Variants in TMEM132C observed in about 807,000 individuals in gnomAD.
TMEM132C encodes transmembrane protein 132C, also known as protein phosphatase 1, regulatory subunit 152.
A neutral mutation model predicts 61.4 loss-of-function variants in TMEM132C; 29 were observed. That is an observed-to-expected ratio of 0.47 (90% confidence interval 0.35 to 0.64). TMEM132C has a LOEUF of 0.64. Among genes scored for constraint, TMEM132C ranks in the 30% least tolerant of loss-of-function variants. The probability of loss-of-function intolerance (pLI) is 0.00; values close to 1 mark genes in which losing one functional copy is unlikely to be tolerated. For missense variants in TMEM132C, 1,408 were observed against 1,476.9 expected, an observed-to-expected ratio of 0.95 and a Z score of 0.76; for synonymous variants, 656 against 633.1, an observed-to-expected ratio of 1.04 and a Z score of -0.54.
intron 3 of TMEM132C, among the ~76,000 whole-genome samples, chr12:128,587,261 A>T (rs1016006937): frequency 2.6e-5 from 4 of 152,190 alleles, no homozygotes; most frequent in African/African-American, 7.2e-5. Context: ...AATGGAGCTC[A>T]CAGTTCTGCA....
At chr12:128,394,706 G>T (rs942597915) in intron 1 of TMEM132C, among the ~76,000 whole-genome samples, 1 of 151,998 alleles carries the variant, frequency 6.6e-6, no homozygotes, top group African/African-American at 2.4e-5. Context: ...AACAAGTAGG[G>T]AAAAAATAAG....
chr12:128,328,156 C>A (rs900312733), intron 1 of TMEM132C, among the ~76,000 whole-genome samples: 2 of 151,962 alleles, frequency 1.3e-5, no homozygotes, highest in Non-Finnish European at 1.5e-5. Flanking sequence ...AGTGAGAAAG[C>A]GGGTGATTGG....
chr12:128,622,458 G>A (rs1953978096), intron 4 of TMEM132C, among the ~76,000 whole-genome samples: 1 of 144,700 alleles, frequency 6.9e-6, no homozygotes, highest in African/African-American at 2.5e-5. Context: ...CAAAATGGAA[G>A]GGAGCCGTTA....
At chr12:128,492,349 C>A (rs1235552894) in intron 2 of TMEM132C, among the ~76,000 whole-genome samples, 1 of 152,114 alleles carries the variant, frequency 6.6e-6, no homozygotes, top group East Asian at 1.9e-4. Context: ...GATTTATAAT[C>A]CTTTGGGTAT....
chr12:128,378,682 A>G (rs1874300822), intron 1 of TMEM132C, among the ~76,000 whole-genome samples: 1 of 152,146 alleles, frequency 6.6e-6, no homozygotes, highest in Non-Finnish European at 1.5e-5. Context: ...CGGTCAATTC[A>G]CAGTTCACTA....
intron 1 of TMEM132C, among the ~76,000 whole-genome samples, chr12:128,344,776 T>A (rs778435361): frequency 2.0e-5 from 3 of 152,214 alleles, no homozygotes; most frequent in Non-Finnish European, 4.4e-5. Context: ...AATTATGTGC[T>A]TATAGGCCAA....
At chr12:128,517,114 G>A (rs1030220559) in intron 2 of TMEM132C, among the ~76,000 whole-genome samples, 17 of 150,878 alleles carry the variant, frequency 1.1e-4, no homozygotes, top group African/African-American at 3.2e-4. Context: ...GCCTGTAATC[G>A]CAGCTACTCA....
At chr12:128,403,356 C>G (rs2136012048) in intron 1 of TMEM132C, among the ~76,000 whole-genome samples, 1 of 152,244 alleles carries the variant, frequency 6.6e-6, no homozygotes, top group South Asian at 2.1e-4. Flanking sequence ...TGTCTGATAT[C>G]ATATGAGTAA....
intron 4 of TMEM132C, among the ~76,000 whole-genome samples, chr12:128,668,859 C>T (rs1954502752): frequency 6.6e-6 from 1 of 152,198 alleles, no homozygotes; most frequent in South Asian, 2.1e-4. Flanking sequence ...CCTCCTCTGA[C>T]CTTCATGGCT....
At chr12:128,535,647 C>T (rs1425189807) in intron 2 of TMEM132C, among the ~76,000 whole-genome samples, 5 of 152,080 alleles carry the variant, frequency 3.3e-5, no homozygotes, top group African/African-American at 1.2e-4. Flanking sequence ...AGCAGGCAGA[C>T]CACGAAGTCA....
intron 1 of TMEM132C, among the ~76,000 whole-genome samples, chr12:128,364,967 G>A (rs892082297): frequency 1.3e-5 from 2 of 152,232 alleles, no homozygotes; most frequent in African/African-American, 4.8e-5. Flanking sequence ...CCATCTGCGG[G>A]TAAGGAGGTG....
At chr12:128,485,684 C>G (rs986189351) in intron 2 of TMEM132C, among the ~76,000 whole-genome samples, 2 of 152,094 alleles carry the variant, frequency 1.3e-5, no homozygotes, top group East Asian at 1.9e-4. Flanking sequence ...TCATCCATCC[C>G]CAATGTCAGT....
rs1870785592 is a variant in TMEM132C, at chr12:128,278,846, G to C, written c.85+11359G>C. 6.6e-6 allele frequency among the ~76,000 whole-genome samples: 1 copy of C among 151,040 alleles called. No homozygotes were observed. The highest frequency in any genetic ancestry group is 1.5e-5 in the Non-Finnish European group (1 of 67,830). ...AAAACAGGTTACTCTGCATAATGTG[G>C]GTAGCCTCATCCAATGAGTTGAAGG... On this transcript the variant is annotated intron_variant, in intron 1 of 8. Coordinates refer to ENST00000435159, the MANE Select transcript of TMEM132C (RefSeq NM_001136103.3). This position sits in a 1 kb window ranked among gnomAD's most constrained non-coding sequence, Gnocchi z 4.2.
At chr12:128,275,586 G>A (rs1009421757) in intron 1 of TMEM132C, among the ~76,000 whole-genome samples, 4 of 152,106 alleles carry the variant, frequency 2.6e-5, no homozygotes, top group African/African-American at 9.7e-5. Context: ...AATGTAATGT[G>A]CTTGAATGAT....
chr12:128,628,614 G>T (rs1171684389), intron 4 of TMEM132C, among the ~76,000 whole-genome samples: 1 of 151,408 alleles, frequency 6.6e-6, no homozygotes, highest in African/African-American at 2.5e-5. Context: ...CTCCATGTGG[G>T]CAGCGGACAC....
rs191430150 is a variant in TMEM132C at position 128,417,028 on chromosome 12, G to A, written c.974+1408G>A. ...GCTGTCAGCGTATCGGCGGCTTATT[G>A]AAAGTATCATGACCTTGTGACTGAG... On this transcript the variant is annotated intron_variant, in intron 2 of 8. Transcript: ENST00000435159. Among the ~76,000 whole-genome samples, 1,059 of 152,260 alleles carry A rather than the reference G, an allele frequency of 7.0e-3. 10 individuals are homozygous for A. Among genetic ancestry groups the A allele is most frequent in the African/African-American group, 0.024 (1,008 of 41,554 alleles).
chr12:128,376,355 CTT>C (rs1874192064), intron 1 of TMEM132C, among the ~76,000 whole-genome samples: 1 of 152,174 alleles, frequency 6.6e-6, no homozygotes. Context: ...AAATCTGAAA[CTT>C]TCCTACTTGT....
chr12:128,421,947 A>G (rs1869001359), intron 2 of TMEM132C, among the ~76,000 whole-genome samples: 1 of 152,228 alleles, frequency 6.6e-6, no homozygotes, highest in African/African-American at 2.4e-5. Context: ...GCCCCACTAA[A>G]CATTTATTGA....
At chr12:128,683,970 TTAAATAAATAAATAAA>T (rs5741714) in intron 5 of TMEM132C, among the ~76,000 whole-genome samples, 9,902 of 147,556 alleles carry the variant, frequency 0.067, 563 homozygotes, top group African/African-American at 0.15. Context: ...CTGTTTGAAA[TTAAATAAATAAATAAA>T]TAAATAAATA....
Sources: gnomAD v4.1 joint callset for allele counts (sites outside exome capture counted in the v4.1 genomes callset) on GRCh38, gnomAD v4.1.1 for gene constraint, Gnocchi (gnomAD v3.1) non-coding constraint, MANE v1.5 for transcripts, NCBI Gene and HGNC (gene_info 2026-07-23, HGNC 2026-07-21) for gene names.